Variants in DMD observed in about 807,000 individuals in gnomAD.
DMD encodes mutant dystrophin.
In DMD, 63 loss-of-function variants were observed where a neutral mutation model predicts 330.1. That is an observed-to-expected ratio of 0.19 (90% confidence interval 0.16 to 0.24). The LOEUF (loss-of-function observed/expected upper bound fraction) is 0.24. DMD is among the 10% of genes least tolerant of loss of function. The pLI is 1.00. For synonymous variants in DMD, 1,223 were observed against 959.8 expected (o/e 1.27, Z -5.07); for missense variants, 3,344 against 2,684.1 (o/e 1.25, Z -5.43).
chrX:32,501,435 T>A (rs1327450754), intron 19 of DMD, among the ~76,000 whole-genome samples: 2 of 111,920 alleles, frequency 1.8e-5, no homozygotes, highest in Non-Finnish European at 3.8e-5. Flanking sequence ...ACATGACTGT[T>A]AATGTTTTCA....
intron 18 of DMD, among the ~76,000 whole-genome samples, chrX:32,504,528 G>T (rs749261957): frequency 6.3e-5 from 7 of 110,852 alleles, no homozygotes; most frequent in Non-Finnish European, 1.3e-4. Context: ...TCTGGAGGCT[G>T]AGGCAGGAAA....
intron 62 of DMD, among the ~76,000 whole-genome samples, chrX:31,314,742 C>CAGAGAGAGAGAGAGAGAGAGAGAA (rs1556488349): frequency 1.4e-4 from 8 of 55,277 alleles, no homozygotes; most frequent in African/African-American, 6.8e-4. Context: ...AATACATACA[C>CAGAGAGAGAGAGAGAGAGAGAGAA]AGAGAGAGAG....
intron 1 of DMD, among the ~76,000 whole-genome samples, chrX:33,310,604 A>G (rs2053834346): frequency 9.0e-6 from 1 of 111,468 alleles, no homozygotes; most frequent in Non-Finnish European, 1.9e-5. Context: ...ATTTTAATTA[A>G]GTCATTTCCT....
At chrX:31,182,296 A>C (rs1016544547) in intron 68 of DMD, among the ~76,000 whole-genome samples, 1 of 112,330 alleles carries the variant, frequency 8.9e-6, no homozygotes, top group Non-Finnish European at 1.9e-5. Context: ...TGAATGAGAG[A>C]CTGAGCTACT....
intron 4 of DMD, among the ~76,000 whole-genome samples, chrX:32,831,430 G>A (rs1335846363): frequency 1.8e-5 from 2 of 110,920 alleles, no homozygotes; most frequent in Non-Finnish European, 3.8e-5. Flanking sequence ...ACAAGTTAGT[G>A]TTATTTTTGA....
intron 1 of DMD, among the ~76,000 whole-genome samples, chrX:33,052,786 C>T (rs1483205600): frequency 9.0e-6 from 1 of 111,358 alleles, no homozygotes; most frequent in East Asian, 2.8e-4. Flanking sequence ...TAATAACTTA[C>T]TTGTACATTT....
chrX:32,414,715 T>C (rs2098159664), intron 29 of DMD, among the ~76,000 whole-genome samples: 1 of 112,116 alleles, frequency 8.9e-6, no homozygotes, highest in Non-Finnish European at 1.9e-5. Context: ...AGGTCACCAC[T>C]GCTCAGAGAT....
chrX:31,284,557 T>TTTCTTCTTCTTTTCTTC (rs2052895976), intron 62 of DMD, among the ~76,000 whole-genome samples: 1 of 78,066 alleles, frequency 1.3e-5, no homozygotes, highest in African/African-American at 5.2e-5. Flanking sequence ...TAACGAACTG[T>TTTCTTCTTCTTTTCTTC]TTCTTCTTCT....
intron 55 of DMD, among the ~76,000 whole-genome samples, chrX:31,610,793 C>T (rs2077870497): frequency 1.8e-5 from 2 of 111,296 alleles, no homozygotes; most frequent in African/African-American, 6.5e-5. Flanking sequence ...TGTCATGAGT[C>T]ATTAGAGTGT....
intron 1 of DMD, among the ~76,000 whole-genome samples, chrX:33,277,115 C>A (rs1463073544): frequency 2.7e-5 from 3 of 111,423 alleles, no homozygotes. Flanking sequence ...TATAGGCCAC[C>A]TGCCACCTTC....
intron 7 of DMD, among the ~76,000 whole-genome samples, chrX:32,799,405 A>T (rs941803448): frequency 8.1e-5 from 9 of 111,732 alleles, no homozygotes; most frequent in Non-Finnish European, 1.5e-4. Flanking sequence ...CTGGTAAATA[A>T]GTAAGAACAT....
Position 32,472,282 on chromosome X carries a change from T to C in DMD, c.2831A>G (p.Tyr944Cys), listed in dbSNP as rs2148485775. ...TIFDTLPPMRYQETMSAIRTW... is the reference protein window; with the variant it reads ...TIFDTLPPMRCQETMSAIRTW... ...CCTGATGGCACTCATGGTCTCCTGA[T>C]AGCGCATTGGTGGCAAAGTGTCAAA... The change falls in exon 22 of 79, where the codon TAT becomes TGT. Residue 944 changes from tyrosine to cysteine, a missense_variant. Physicochemically the swap from Tyr to Cys is radical, Grantham distance 194 (BLOSUM62 -2). Transcript: ENST00000357033. 8.3e-7 allele frequency: 1 copy of C among 1,209,221 alleles called. No homozygotes were observed. The highest frequency in any genetic ancestry group is 3.0e-5 in the East Asian group (1 of 33,722).
At chrX:31,456,886 A>C (rs1358132819) in intron 59 of DMD, among the ~76,000 whole-genome samples, 1 of 102,516 alleles carries the variant, frequency 9.8e-6, no homozygotes, top group Non-Finnish European at 2.0e-5. Flanking sequence ...GTATATATAT[A>C]TATATTATAT....
chrX:32,182,318 A>G (rs2096929920), intron 44 of DMD, among the ~76,000 whole-genome samples: 1 of 112,443 alleles, frequency 8.9e-6, no homozygotes, highest in Non-Finnish European at 1.9e-5. Flanking sequence ...TTGGATATGT[A>G]ATTTTATATA....
At chrX:32,366,210 C>T (rs1471686691) in intron 34 of DMD, among the ~76,000 whole-genome samples, 1 of 112,060 alleles carries the variant, frequency 8.9e-6, no homozygotes, top group Non-Finnish European at 1.9e-5. Flanking sequence ...CTGCATAAAG[C>T]CCCTTTCCTG....
intron 6 of DMD, among the ~76,000 whole-genome samples, chrX:32,812,613 A>T (rs2077452578): frequency 8.9e-6 from 1 of 112,539 alleles, no homozygotes; most frequent in South Asian, 3.6e-4. Context: ...AGCCTGTGCA[A>T]CAGAGCGAGA....
intron 9 of DMD, among the ~76,000 whole-genome samples, chrX:32,672,233 A>G (rs1335021662): frequency 1.6e-4 from 18 of 110,809 alleles, no homozygotes; most frequent in African/African-American, 5.9e-4. Context: ...ACTTTGATTG[A>G]TAGAGGGCAG....
intron 1 of DMD, among the ~76,000 whole-genome samples, chrX:33,223,166 C>T (rs900317482): frequency 9.0e-6 from 1 of 111,143 alleles, no homozygotes; most frequent in Non-Finnish European, 1.9e-5. Flanking sequence ...CAAAAATTAG[C>T]TGGGAGTGGT....
At chrX:33,212,738 T>C (rs977620190), upstream of DMD, among the ~76,000 whole-genome samples, 12 of 112,223 alleles carry the variant, frequency 1.1e-4, no homozygotes, top group African/African-American at 3.9e-4. Context: ...AAAAGGTGTA[T>C]GAGATAAAAC....
Sources: gnomAD v4.1 joint callset for allele counts (sites outside exome capture counted in the v4.1 genomes callset) on GRCh38, gnomAD v4.1.1 for gene constraint, MANE v1.5 for transcripts, NCBI Gene and HGNC (gene_info 2026-07-23, HGNC 2026-07-21) for gene names.